The following HDX variants were observed in gnomAD, a reference collection of about 807,000 sequenced individuals.
The protein encoded by HDX is chromosome X open reading frame 43.
In HDX, 19 loss-of-function variants were observed where a neutral mutation model predicts 45.2. The ratio of observed to expected loss-of-function variants is 0.42; its 90% CI spans 0.29 to 0.62. HDX has a LOEUF of 0.62. HDX is among the 20% of genes least tolerant of loss of function. The pLI is 0.20. For missense variants in HDX, 532 were observed against 493.9 expected, an observed-to-expected ratio of 1.08 and a Z score of -0.73; for synonymous variants, 188 against 172.8, an observed-to-expected ratio of 1.09 and a Z score of -0.69.
intron 5 of HDX, among the ~76,000 whole-genome samples, chrX:84,375,546 A>T: frequency 8.9e-6 from 1 of 112,276 alleles, no homozygotes; most frequent in Non-Finnish European, 1.9e-5. Flanking sequence ...CATATACACC[A>T]TGGAATACTA....
intron 4 of HDX, among the ~76,000 whole-genome samples, chrX:84,454,568 C>T (rs2040070789): frequency 9.0e-6 from 1 of 110,621 alleles, no homozygotes; most frequent in African/African-American, 3.3e-5. Context: ...TAGAATAGAA[C>T]ACCAACTAGA....
At chrX:84,481,714 C>T (rs1259539798) in intron 2 of HDX, among the ~76,000 whole-genome samples, 1 of 110,121 alleles carries the variant, frequency 9.1e-6, no homozygotes, top group African/African-American at 3.3e-5. Flanking sequence ...TATTTTTTAT[C>T]TTTACTTTTT....
chrX:84,463,994 A>G (rs1042857808), intron 4 of HDX, among the ~76,000 whole-genome samples: 2 of 111,573 alleles, frequency 1.8e-5, no homozygotes, highest in Non-Finnish European at 3.8e-5. Context: ...ATACTATACT[A>G]TCCTCCAGAA....
intron 5 of HDX, among the ~76,000 whole-genome samples, chrX:84,434,316 A>AT (rs927300444): frequency 1.8e-5 from 2 of 110,719 alleles, no homozygotes; most frequent in Admixed American, 9.6e-5. Context: ...TAGGCTGTGA[A>AT]TTTTTCATAT....
rs754177869 is a variant in HDX at position 84,318,055 on chromosome X, G to T, written c.*3834C>A. The T allele has an allele frequency of 2.7e-5, 3 of 110,861 alleles. No individual in the cohort carries two copies. In the South Asian group the frequency reaches 1.1e-3, roughly 41 times the overall value. The allele number at this position is 110,861 out of a possible 1,213,427, so 9.1% of individuals were successfully genotyped here. Reference sequence around the variant, plus strand: ...CAAGTTAATGCAAAATAAAATTTCAGTGTGGAGCAATATACACTCAGTATA... The same window carrying T: ...CAAGTTAATGCAAAATAAAATTTCATTGTGGAGCAATATACACTCAGTATA... On this transcript the variant is annotated 3_prime_UTR_variant, in exon 11 of 11. Transcript: ENST00000373177.
Position 84,461,234 on chromosome X carries a change from T to A in HDX, c.1251+7238A>T, listed in dbSNP as rs752729507. ...TCCAAAGCTATCCAGAGCAAAAAGA[T>A]CAAAGCTGGAGGAATCACATTACCT... On this transcript the variant is annotated intron_variant, in intron 4 of 10. Transcript: ENST00000373177. 2.6e-3 allele frequency among the ~76,000 whole-genome samples: 286 copies of A among 111,117 alleles called. 1 individual carries two copies. Among genetic ancestry groups the A allele is most frequent in the African/African-American group, 8.7e-3 (268 of 30,698 alleles).
chrX:84,461,436 C>T (rs906018151), intron 4 of HDX, among the ~76,000 whole-genome samples: 13 of 110,330 alleles, frequency 1.2e-4, no homozygotes, highest in Admixed American at 2.9e-4. Context: ...ACAGCCTTTT[C>T]AACAAATGGT....
At chrX:84,364,931 G>A (rs1041460460) in intron 5 of HDX, among the ~76,000 whole-genome samples, 4 of 110,947 alleles carry the variant, frequency 3.6e-5, no homozygotes, top group Non-Finnish European at 7.5e-5. Context: ...CTGTATGGCA[G>A]GATTTCCTTC....
At chrX:84,424,408 C>T (rs958643793) in intron 5 of HDX, among the ~76,000 whole-genome samples, 2 of 109,259 alleles carry the variant, frequency 1.8e-5, no homozygotes, top group African/African-American at 3.3e-5. Context: ...AGATTCAATG[C>T]GATCCCATTC....
intron 6 of HDX, among the ~76,000 whole-genome samples, chrX:84,348,323 C>T (rs980341989): frequency 1.8e-5 from 2 of 111,310 alleles, no homozygotes; most frequent in African/African-American, 6.5e-5. Context: ...TTTATCCTTT[C>T]TTAGAATGTT....
chrX:84,394,206 T>C (rs1480437355), intron 5 of HDX, among the ~76,000 whole-genome samples: 1 of 111,690 alleles, frequency 9.0e-6, no homozygotes, highest in African/African-American at 3.2e-5. Context: ...CTCATTTTCA[T>C]TTGGCTCAAG....
At chrX:84,495,123 T>G (rs2040973261) in intron 1 of HDX, among the ~76,000 whole-genome samples, 1 of 109,150 alleles carries the variant, frequency 9.2e-6, no homozygotes, top group Non-Finnish European at 1.9e-5. Flanking sequence ...CGATCTCACA[T>G]ATGTGGAATC....
intron 1 of HDX, among the ~76,000 whole-genome samples, chrX:84,490,795 T>C (rs1459570363): frequency 9.0e-6 from 1 of 111,302 alleles, no homozygotes; most frequent in Non-Finnish European, 1.9e-5. Context: ...TACTTTTATA[T>C]TGCTTTTTTT....
intron 3 of HDX, among the ~76,000 whole-genome samples, chrX:84,474,179 C>G (rs2040502886): frequency 9.0e-6 from 1 of 111,621 alleles, no homozygotes; most frequent in South Asian, 3.7e-4. Flanking sequence ...GTAATTCCAG[C>G]TACTCGGGAG....
At chrX:84,324,647 A>C (rs2036671198) in intron 10 of HDX, among the ~76,000 whole-genome samples, 1 of 111,488 alleles carries the variant, frequency 9.0e-6, no homozygotes, top group Non-Finnish European at 1.9e-5. Context: ...CATTAATTAC[A>C]TTTGTTATTG....
At chrX:84,390,132 T>G (rs183857654) in intron 5 of HDX, among the ~76,000 whole-genome samples, 149 of 110,510 alleles carry the variant, frequency 1.3e-3, no homozygotes, top group African/African-American at 4.7e-3. Context: ...TAATTAGGTC[T>G]GTCTCCATGG....
At chrX:84,393,629 T>A (rs1199017713) in intron 5 of HDX, among the ~76,000 whole-genome samples, 1 of 111,749 alleles carries the variant, frequency 8.9e-6, no homozygotes, top group Non-Finnish European at 1.9e-5. Flanking sequence ...TAGAATTCTG[T>A]ATTGAAGTCA....
chrX:84,382,825 AT>A (rs1569307581), intron 5 of HDX, among the ~76,000 whole-genome samples: 1 of 111,123 alleles, frequency 9.0e-6, no homozygotes, highest in African/African-American at 3.3e-5. Context: ...TATTAATTGT[AT>A]TTTTTAAAAT....
At chrX:84,420,824 G>T (rs2039235913) in intron 5 of HDX, among the ~76,000 whole-genome samples, 2 of 111,637 alleles carry the variant, frequency 1.8e-5, no homozygotes, top group Admixed American at 1.9e-4. Context: ...TACAGGCCAG[G>T]AGAGAATGGC....
Sources: gnomAD v4.1 joint callset for allele counts (sites outside exome capture counted in the v4.1 genomes callset) on GRCh38, gnomAD v4.1.1 for gene constraint, MANE v1.5 for transcripts, NCBI Gene and HGNC (gene_info 2026-07-23, HGNC 2026-07-21) for gene names.